Variants in CDCA7L observed in about 807,000 individuals in gnomAD.
CDCA7L encodes cell division cycle-associated 7-like protein.
In CDCA7L, 44 loss-of-function variants were observed where a neutral mutation model predicts 57.4. That is an observed-to-expected ratio of 0.77 (90% CI 0.60 to 0.98). CDCA7L has a LOEUF of 0.98. Among genes scored for constraint, CDCA7L ranks in the 50% least tolerant of loss-of-function variants. The pLI, the probability that CDCA7L is intolerant of heterozygous loss-of-function variation, is 0.00. For missense variants in CDCA7L, 644 were observed against 580.6 expected (o/e 1.11, Z -1.12); for synonymous variants, 236 against 202.8 (o/e 1.16, Z -1.39).
chr7:21,936,913 C>T (rs1786183323), intron 1 of CDCA7L, among the ~76,000 whole-genome samples: 1 of 152,126 alleles, frequency 6.6e-6, no homozygotes, highest in South Asian at 2.1e-4. Context: ...ATGTAGAGAA[C>T]ACTAGAGATT....
At chr7:21,902,878 G>A in intron 9 of CDCA7L, 100 bp downstream of exon 9, 1 of 1,101,072 alleles carries the variant, frequency 9.1e-7, no homozygotes, top group South Asian at 1.5e-5. Context: ...ATATAAGTAA[G>A]TAAGTCACAC....
chr7:21,926,205 A>C (rs1481617511), intron 1 of CDCA7L, among the ~76,000 whole-genome samples: 1 of 151,218 alleles, frequency 6.6e-6, no homozygotes, highest in Non-Finnish European at 1.5e-5. Context: ...TTCTATAACT[A>C]TATATTAATT....
intron 1 of CDCA7L, among the ~76,000 whole-genome samples, chr7:21,938,316 T>C (rs991322038): frequency 2.6e-5 from 4 of 151,938 alleles, no homozygotes; most frequent in African/African-American, 9.7e-5. Flanking sequence ...TCACTAATCA[T>C]TGGGGAAATG....
At chr7:21,937,177 A>G (rs541844276) in intron 1 of CDCA7L, among the ~76,000 whole-genome samples, 51 of 152,358 alleles carry the variant, frequency 3.3e-4, no homozygotes, top group African/African-American at 1.2e-3. Flanking sequence ...TCCCATGTTC[A>G]TGGATTGGAA....
intron 1 of CDCA7L, among the ~76,000 whole-genome samples, chr7:21,925,129 T>A (rs1422233434): frequency 1.3e-5 from 2 of 151,932 alleles, no homozygotes; most frequent in African/African-American, 4.8e-5. Context: ...AGGGCAAAGA[T>A]CTGACAAAAA....
chr7:21,925,206 C>A (rs769224582), intron 1 of CDCA7L, among the ~76,000 whole-genome samples: 1 of 152,020 alleles, frequency 6.6e-6, no homozygotes, highest in Non-Finnish European at 1.5e-5. Flanking sequence ...GCCACACAGA[C>A]AAAATGGCAA....
At chr7:21,926,872 C>T (rs1785847216) in intron 1 of CDCA7L, among the ~76,000 whole-genome samples, 1 of 151,988 alleles carries the variant, frequency 6.6e-6, no homozygotes, top group Admixed American at 6.6e-5. Flanking sequence ...GACCCTGGCT[C>T]ACAACTAATA....
Position 21,901,452 on chromosome 7 carries a change from G to GTAATCCCAGTTAC in CDCA7L, c.*857_*869dup, listed in dbSNP as rs1230674314. 1 of 628,294 alleles carries GTAATCCCAGTTAC rather than the reference G, an allele frequency of 1.6e-6. No homozygotes were observed. Among genetic ancestry groups the GTAATCCCAGTTAC allele is most frequent in the Non-Finnish European group, 2.3e-6 (1 of 438,592 alleles). 38.9% of individuals were successfully genotyped at this position (628,294 alleles called of 1,614,324 possible). A position where few individuals can be genotyped will look rare whatever the true frequency, so the allele number is the denominator to read the frequency against. The stretch of plus-strand genomic sequence containing the variant: ...GGGCTGAGCGTGGTGGCACACGACT[G>GTAATCCCAGTTAC]TAATCCCAGTTACTCAGGAGGTAGG... On this transcript the variant is annotated 3_prime_UTR_variant, in exon 10 of 10. Transcript: ENST00000406877.
chr7:21,912,201 G>A (rs993899165), intron 2 of CDCA7L, among the ~76,000 whole-genome samples: 2 of 152,118 alleles, frequency 1.3e-5, no homozygotes, highest in African/African-American at 4.8e-5. Context: ...GGTCGAGGCT[G>A]CAGTGAGCTG....
chr7:21,942,026 A>C (rs1427380292), intron 1 of CDCA7L, among the ~76,000 whole-genome samples: 1 of 152,022 alleles, frequency 6.6e-6, no homozygotes, highest in Non-Finnish European at 1.5e-5. Flanking sequence ...CTTCTGGTAG[A>C]GAGTGTGGGG....
intron 1 of CDCA7L, among the ~76,000 whole-genome samples, chr7:21,940,597 G>A (rs771380198): frequency 6.6e-5 from 10 of 152,174 alleles, no homozygotes; most frequent in East Asian, 1.9e-4. Flanking sequence ...TTCCCAGGGC[G>A]AGCACCTGAG....
rs113890203 is a variant in CDCA7L at position 21,933,359 on chromosome 7, A to G, written c.24+12422T>C. 3.2e-3 allele frequency among the ~76,000 whole-genome samples: 486 copies of G among 152,354 alleles called. 4 individuals carry two copies. The highest frequency in any genetic ancestry group is 0.01 in the Middle Eastern group (3 of 292). ...TAAAGACACATGCACATGTATGTTT[A>G]TTGTGGCACTGTTCACGATAGCAAA... On this transcript the variant is annotated intron_variant, in intron 1 of 9. Coordinates refer to ENST00000406877, the MANE Select transcript of CDCA7L (RefSeq NM_018719.5).
rs958180991 is a variant in CDCA7L at position 21,940,398 on chromosome 7, T to C, written c.24+5383A>G. 5.0e-6 allele frequency: 3 copies of C among 594,402 alleles called. No homozygotes were observed. The African/African-American group carries it at 6.0e-5, about 12-fold the overall frequency. 36.8% of individuals were successfully genotyped at this position (594,402 alleles called of 1,614,324 possible). On this transcript the variant is annotated intron_variant, in intron 1 of 9. Coordinates refer to ENST00000406877, the MANE Select transcript of CDCA7L (RefSeq NM_018719.5). ...CTACTTTGCCCTTCCATCCATTCAA[T>C]GGATATTTATTAGGCATCTAATACA...
At chr7:21,922,226 AG>A (rs1785674163) in intron 1 of CDCA7L, among the ~76,000 whole-genome samples, 1 of 152,206 alleles carries the variant, frequency 6.6e-6, no homozygotes, top group Non-Finnish European at 1.5e-5. Flanking sequence ...CCTTTCAGAA[AG>A]GACTGCAGGT....
rs1192008231 is a variant in CDCA7L, at chr7:21,906,565, T to TA, written c.753+2dup. ...TGGTATAATTATAAGGAGTTCTACT[T>TA]ACAGAAGCTGAGGTTGGGGTTCGTA... On this transcript the variant is annotated splice_region_variant and intron_variant, in intron 5 of 9. Coordinates refer to ENST00000406877, the MANE Select transcript of CDCA7L (RefSeq NM_018719.5). 1.9e-6 allele frequency: 3 copies of TA among 1,613,980 alleles called. No homozygotes were observed. The African/African-American group carries it at 4.0e-5, about 22-fold the overall frequency.
chr7:21,911,622 C>A lies in CDCA7L; in HGVS notation c.298G>T (p.Val100Leu), dbSNP rs764560607. Reference sequence around the variant, plus strand: ...CTTCCTGTTGTAATTATTACCATTACTTCTGGGTTAGTCTTTCCATTCAGA... The same window carrying A: ...CTTCCTGTTGTAATTATTACCATTAATTCTGGGTTAGTCTTTCCATTCAGA... ...SDLNGKTNPEVMVVESDLSDD... is the reference protein window; with the variant it reads ...SDLNGKTNPELMVVESDLSDD... Residue 100 changes from valine to leucine, a missense_variant, in exon 3 of 10, where the codon GTA becomes TTA. Transcript: ENST00000406877. 6.2e-6 allele frequency: 10 copies of A among 1,611,332 alleles called. No individual in the cohort carries two copies. The highest frequency in any genetic ancestry group is 8.5e-6 in the Non-Finnish European group (10 of 1,179,376).
At chr7:21,938,913 A>C (rs374331891) in intron 1 of CDCA7L, among the ~76,000 whole-genome samples, 1 of 152,022 alleles carries the variant, frequency 6.6e-6, no homozygotes, top group East Asian at 1.9e-4. Flanking sequence ...AAGAGGTTGC[A>C]GTGGGAGGAT....
At chr7:21,945,444 G>A (rs1786489425) in intron 1 of CDCA7L, among the ~76,000 whole-genome samples, 1 of 151,774 alleles carries the variant, frequency 6.6e-6, no homozygotes, top group Non-Finnish European at 1.5e-5. Context: ...CACAAAAAAA[G>A]CCCCTCCCCC....
intron 7 of CDCA7L, among the ~76,000 whole-genome samples, chr7:21,905,042 G>A (rs1300333861): frequency 6.6e-6 from 1 of 151,930 alleles, no homozygotes; most frequent in Non-Finnish European, 1.5e-5. Flanking sequence ...ACTTGACAGT[G>A]TCCCGTTACA....
Sources: gnomAD v4.1 joint callset for allele counts (sites outside exome capture counted in the v4.1 genomes callset) on GRCh38, gnomAD v4.1.1 for gene constraint, MANE v1.5 for transcripts, NCBI Gene and HGNC (gene_info 2026-07-23, HGNC 2026-07-21) for gene names.